The following ZNF777 variants were observed in gnomAD, a reference collection of about 807,000 sequenced individuals.
ZNF777 encodes zinc finger protein 777.
A neutral mutation model predicts 72.1 loss-of-function variants in ZNF777; 7 were observed. The ratio of observed to expected loss-of-function variants is 0.10; its 90% CI spans 0.06 to 0.18. ZNF777 has a LOEUF of 0.18. Among genes scored for constraint, ZNF777 ranks in the 10% least tolerant of loss-of-function variants. The pLI is 1.00. For missense variants in ZNF777, 828 were observed against 1,128.6 expected, an observed-to-expected ratio of 0.73 and a Z score of 3.82; for synonymous variants, 545 against 483.5, an observed-to-expected ratio of 1.13 and a Z score of -1.67.
At chr7:149,440,681 T>TG (rs1360430077) in intron 4 of ZNF777, among the ~76,000 whole-genome samples, 20 of 146,950 alleles carry the variant, frequency 1.4e-4, no homozygotes, top group Admixed American at 2.1e-4. Context: ...TTGTTTTTTT[T>TG]TTTTTTTTTT....
intron 4 of ZNF777, among the ~76,000 whole-genome samples, chr7:149,437,363 G>T (rs1799432189): frequency 6.6e-6 from 1 of 152,102 alleles, no homozygotes; most frequent in Non-Finnish European, 1.5e-5. Context: ...TCTCTCATCT[G>T]CTCACTCACA....
chr7:149,459,944 C>A, intron 1 of ZNF777: 5 of 928,634 alleles, frequency 5.4e-6, no homozygotes, highest in Non-Finnish European at 6.4e-6. Flanking sequence ...CCGTAGCCCT[C>A]CCCCACCGCC....
intron 1 of ZNF777, chr7:149,459,556 A>C: frequency 1.2e-6 from 1 of 860,168 alleles, no homozygotes; most frequent in Non-Finnish European, 1.4e-6. Flanking sequence ...CCAGCCCCTC[A>C]CCCAGGGGCG....
intron 3 of ZNF777, among the ~76,000 whole-genome samples, 162 bp downstream of exon 3, chr7:149,453,949 T>C (rs1268072250): frequency 6.6e-6 from 1 of 152,194 alleles, no homozygotes; most frequent in African/African-American, 2.4e-5. Flanking sequence ...CTGATGTGTG[T>C]GGGTATATGA....
chr7:149,446,780 T>A (rs1169733561), intron 4 of ZNF777, among the ~76,000 whole-genome samples: 1 of 151,960 alleles, frequency 6.6e-6, no homozygotes, highest in East Asian at 1.9e-4. Flanking sequence ...ACCTGCCATC[T>A]CTACTTCCTC....
chr7:149,442,310 C>T (rs1218558198), intron 4 of ZNF777, among the ~76,000 whole-genome samples: 1 of 150,902 alleles, frequency 6.6e-6, no homozygotes, highest in African/African-American at 2.4e-5. Flanking sequence ...CACAGACACA[C>T]ACACAAAATA....
At chr7:149,458,840 C>T (rs1257005944) in intron 1 of ZNF777, among the ~76,000 whole-genome samples, 1 of 152,206 alleles carries the variant, frequency 6.6e-6, no homozygotes, top group Non-Finnish European at 1.5e-5. Context: ...CGAATAAGCT[C>T]AAATTCTCAA....
chr7:149,458,073 T>C (rs554458359), intron 1 of ZNF777, among the ~76,000 whole-genome samples: 9 of 152,292 alleles, frequency 5.9e-5, no homozygotes, highest in South Asian at 2.1e-4. Flanking sequence ...GCAGGTTTGA[T>C]AGGGTTGGGA....
intron 5 of ZNF777, among the ~76,000 whole-genome samples, chr7:149,433,780 C>A (rs746695866): frequency 5.1e-4 from 78 of 152,052 alleles, no homozygotes; most frequent in Non-Finnish European, 9.1e-4. Context: ...CCCGGGGATG[C>A]CCCCTCAACT....
At position 149,431,375 on chromosome 7, in the gene ZNF777, TTACTC is replaced by T. The variant is rs1442845380; in HGVS notation, c.*396_*400del. 8.1e-6 allele frequency: 3 copies of T among 368,962 alleles called. No homozygotes were observed. The highest frequency in any genetic ancestry group is 4.4e-5 in the Admixed American group (1 of 22,562). The allele number at this position is 368,962 out of a possible 1,614,324, so 22.9% of individuals were successfully genotyped here. On this transcript the variant is annotated 3_prime_UTR_variant, in exon 6 of 6. Coordinates refer to ENST00000247930, the MANE Select transcript of ZNF777 (RefSeq NM_015694.3). ...ACAGGAAACGCTCTTCTTTTAAAAA[TTACTC>T]TATTATTATCAAATAGAACCACAGT...
chr7:149,436,687 T>C lies in ZNF777; in HGVS notation c.1227A>G (p.Glu409=), dbSNP rs1585688896. The C allele has an allele frequency of 6.2e-7, 1 of 1,614,032 alleles. No individual in the cohort carries two copies. Among genetic ancestry groups the C allele is most frequent in the Non-Finnish European group, 8.5e-7 (1 of 1,180,032 alleles). The change falls in exon 5 of 6, where the codon GAA becomes GAG. Residue 409 remains glutamate (E), a synonymous_variant. Transcript: ENST00000247930. The surrounding 1 kb of genome is among the most constrained non-coding windows in gnomAD (Gnocchi z 5.0). ...QDSELGDPCG[E]QPDLDMQEPE... is the part of the protein sequence containing the mutation. ...GCTCCTGCATGTCCAGGTCTGGCTG[T>C]TCCCCACAGGGGTCACCCAGCTCTG...
At position 149,431,737 on chromosome 7, in the gene ZNF777, C is replaced by T. The variant is rs1799310430; in HGVS notation, c.*39G>A. The T allele has an allele frequency of 2.2e-6, 3 of 1,346,022 alleles. No homozygotes were observed. Among genetic ancestry groups the T allele is most frequent in the Middle Eastern group, 2.6e-4 (1 of 3,900 alleles). The allele number at this position is 1,346,022 out of a possible 1,614,324, so 83.4% of individuals were successfully genotyped here. ...TGGCGGTGTCCGAGGGGGGGCACGG[C>T]CCGCGCACCTGGCCGGGCGGCGGCG... On this transcript the variant is annotated 3_prime_UTR_variant, in exon 6 of 6. Transcript: ENST00000247930.
rs1585703796 is a variant in ZNF777 at position 149,455,082 on chromosome 7, A to G, written c.846+95T>C. 1 of 1,457,490 alleles carries G rather than the reference A, an allele frequency of 6.9e-7. No homozygotes were observed. The highest frequency in any genetic ancestry group is 2.3e-5 in the East Asian group (1 of 43,916). The allele number at this position is 1,457,490 out of a possible 1,614,324, so 90.3% of individuals were successfully genotyped here. A position where few individuals can be genotyped will look rare whatever the true frequency, so the allele number is the denominator to read the frequency against. On this transcript the variant is annotated intron_variant, in intron 2 of 5. Coordinates refer to ENST00000247930, the MANE Select transcript of ZNF777 (RefSeq NM_015694.3). The surrounding 1 kb of genome is among the most constrained non-coding windows in gnomAD (Gnocchi z 4.2). ...CTGGGATCACTGTATTTTTTCCTTT[A>G]TCAACCACCCCTTTCTTTCATATTA... is the stretch of plus-strand genomic sequence containing the variant.
chr7:149,432,384 C>T lies in ZNF777; in HGVS notation c.1888G>A (p.Gly630Ser), dbSNP rs200730414. Residue 630 changes from glycine to serine, a missense_variant, in exon 6 of 6, where the codon GGC (glycine) becomes AGC (serine). Around this residue, in one of 12 missense-constraint regions of ZNF777, gnomAD observed 100 missense variants for 106.2 expected, o/e 0.94. Coordinates refer to ENST00000247930, the MANE Select transcript of ZNF777 (RefSeq NM_015694.3). Reference protein sequence around the residue: ...RPKSPSSGSGGGGPKPYKCPE... With the variant: ...RPKSPSSGSGSGGPKPYKCPE... Reference sequence around the variant, plus strand: ...CACTTGTAGGGCTTAGGGCCACCGCCGCCGCTACCAGAGCTGGGTGACTTG... The same window carrying T: ...CACTTGTAGGGCTTAGGGCCACCGCTGCCGCTACCAGAGCTGGGTGACTTG... 3.9e-4 allele frequency: 633 copies of T among 1,613,254 alleles called. No individual in the cohort carries two copies. The highest frequency in any genetic ancestry group is 5.0e-4 in the Non-Finnish European group (593 of 1,179,980).
At chr7:149,433,722 A>G (rs2116567905) in intron 5 of ZNF777, among the ~76,000 whole-genome samples, 1 of 152,254 alleles carries the variant, frequency 6.6e-6, no homozygotes, top group African/African-American at 2.4e-5. Flanking sequence ...GCACAGTCAG[A>G]CTCGACCACC....
At chr7:149,437,359 A>C (rs537466440) in intron 4 of ZNF777, among the ~76,000 whole-genome samples, 15 of 152,184 alleles carry the variant, frequency 9.9e-5, no homozygotes, top group African/African-American at 3.4e-4. Context: ...TTTCTCTCTC[A>C]TCTGCTCACT....
In ZNF777 at chr7:149,436,203, A is replaced by G. The variant is rs574318043; in HGVS notation, c.1339+372T>C. Reference sequence around the variant, plus strand: ...AGGGCTGAAATCTTCAAGGTAGTTGAGGCTTCTAGGGTGATATGAGATGAT... The same window carrying G: ...AGGGCTGAAATCTTCAAGGTAGTTGGGGCTTCTAGGGTGATATGAGATGAT... On this transcript the variant is annotated intron_variant, in intron 5 of 5. Transcript: ENST00000247930. The surrounding 1 kb of genome is among the most constrained non-coding windows in gnomAD (Gnocchi z 5.0). 3.3e-5 allele frequency among the ~76,000 whole-genome samples: 5 copies of G among 152,308 alleles called. No homozygotes were observed. The East Asian group carries it at 7.7e-4, about 24-fold the overall frequency.
chr7:149,456,113 T>A, intron 1 of ZNF777, 76 bp from the exon 2 acceptor site: 1 of 1,471,918 alleles, frequency 6.8e-7, no homozygotes, highest in Non-Finnish European at 9.0e-7. Context: ...CAAAGACAAG[T>A]ATACACATAA....
intron 4 of ZNF777, among the ~76,000 whole-genome samples, chr7:149,442,304 G>C (rs866576223): frequency 0.012 from 1,485 of 122,304 alleles, 22 homozygotes; most frequent in African/African-American, 0.046. Context: ...CACACACACA[G>C]ACACACACAC....
Sources: allele counts gnomAD v4.1 joint callset (sites outside exome capture counted in the v4.1 genomes callset), GRCh38; gene constraint gnomAD v4.1.1; regional missense constraint gnomAD v4.1.1; non-coding constraint Gnocchi (gnomAD v3.1); transcripts MANE v1.5; gene names NCBI Gene and HGNC (gene_info 2026-07-23, HGNC 2026-07-21).